The following HDAC9 variants were observed in gnomAD, a reference collection of about 807,000 sequenced individuals.
HDAC9 encodes MEF-2 interacting transcription repressor (MITR) protein.
In HDAC9, 41 loss-of-function variants were observed where a neutral mutation model predicts 139.4. That is an observed-to-expected ratio of 0.29 (90% CI 0.23 to 0.38). The LOEUF is 0.38. HDAC9 is among the 10% of genes least tolerant of loss of function. HDAC9 has a pLI of 1.00. For synonymous variants in HDAC9, 517 were observed against 476.2 expected (o/e 1.09, Z -1.12); for missense variants, 1,147 against 1,297.0 (o/e 0.88, Z 1.78).
chr7:18,361,630 T>G (rs1783785052), intron 1 of HDAC9, among the ~76,000 whole-genome samples: 1 of 152,304 alleles, frequency 6.6e-6, no homozygotes, highest in Admixed American at 6.5e-5. Context: ...TTTAACTGAC[T>G]CAATAGGCAT....
At chr7:18,613,528 A>G (rs1049112963) in intron 6 of HDAC9, among the ~76,000 whole-genome samples, 3 of 152,250 alleles carry the variant, frequency 2.0e-5, no homozygotes, top group East Asian at 1.9e-4. Flanking sequence ...CTCAAAATCT[A>G]TCCCTCTCCT....
chr7:18,409,413 C>T (rs1788333686), intron 1 of HDAC9, among the ~76,000 whole-genome samples: 1 of 151,020 alleles, frequency 6.6e-6, no homozygotes, highest in South Asian at 2.1e-4. Flanking sequence ...TAACGATGGG[C>T]CTTTTTTTCA....
chr7:18,184,068 T>C (rs1030014761), intron 2 of HDAC9, among the ~76,000 whole-genome samples: 61 of 152,208 alleles, frequency 4.0e-4, no homozygotes, highest in African/African-American at 1.4e-3. Context: ...TTTTTAGATT[T>C]TGTATTTGTT....
intron 1 of HDAC9, among the ~76,000 whole-genome samples, chr7:18,137,619 G>T (rs1179960097): frequency 6.7e-6 from 1 of 150,148 alleles, no homozygotes; most frequent in Non-Finnish European, 1.5e-5. Flanking sequence ...ATTGATTTGC[G>T]TATATTGAAC....
chr7:18,947,959 C>T (rs1006673340), intron 23 of HDAC9, among the ~76,000 whole-genome samples: 5 of 151,872 alleles, frequency 3.3e-5, no homozygotes, highest in African/African-American at 1.2e-4. Flanking sequence ...TATAATTCAT[C>T]ACATTAAGAC....
intron 24 of HDAC9, among the ~76,000 whole-genome samples, chr7:18,968,805 A>C (rs1478171790): frequency 6.6e-6 from 1 of 151,798 alleles, no homozygotes; most frequent in Non-Finnish European, 1.5e-5. Flanking sequence ...TAAACATACA[A>C]AAAATTAGCT....
At chr7:18,747,849 C>T (rs1049611773) in intron 13 of HDAC9, among the ~76,000 whole-genome samples, 2 of 152,178 alleles carry the variant, frequency 1.3e-5, no homozygotes, top group Non-Finnish European at 2.9e-5. Context: ...AAAATATTTT[C>T]TTCTCTTGAG....
intron 2 of HDAC9, among the ~76,000 whole-genome samples, chr7:18,537,133 A>G (rs891229674): frequency 6.6e-6 from 1 of 152,214 alleles, no homozygotes; most frequent in African/African-American, 2.4e-5. Flanking sequence ...TGTATCCTGA[A>G]TAAAAAATTG....
intron 2 of HDAC9, among the ~76,000 whole-genome samples, chr7:18,255,626 CTTTTTTTTTT>C (rs11386457): frequency 1.7e-4 from 19 of 113,608 alleles, no homozygotes; most frequent in Admixed American, 1.1e-4. Context: ...TTTTTCTTTC[CTTTTTTTTTT>C]TTTTTTTTTG....
chr7:18,272,741 T>C (rs528869595), intron 2 of HDAC9, among the ~76,000 whole-genome samples: 1 of 152,278 alleles, frequency 6.6e-6, no homozygotes, highest in Admixed American at 6.5e-5. Context: ...TCTTTTCAAA[T>C]TGAGGTATGG....
chr7:18,218,370 G>T (rs578048489), intron 2 of HDAC9, among the ~76,000 whole-genome samples: 1 of 152,188 alleles, frequency 6.6e-6, no homozygotes, highest in East Asian at 1.9e-4. Flanking sequence ...CTTGAACCTG[G>T]GAGATGGAGA....
upstream of HDAC9, chr7:18,086,838 C>T (rs1239970605): frequency 6.7e-6 from 1 of 149,894 alleles, no homozygotes; most frequent in Admixed American, 6.6e-5. Context: ...AAATTCTCCG[C>T]GCGCCGCCGC....
At position 19,000,394 on chromosome 7, in the gene HDAC9, A is replaced by G. The variant is rs950735636; in HGVS notation, c.*4332A>G. On this transcript the variant is annotated 3_prime_UTR_variant, in exon 26 of 26. Coordinates refer to ENST00000686413, the MANE Select transcript of HDAC9 (RefSeq NM_178425.4). ...TCCTTGCTTGCTTTTACTCCATGAA[A>G]CGCTTCATGAAGCAGAGCATGATTG... 2 of 152,132 alleles carry G rather than the reference A, an allele frequency of 1.3e-5. No individual in the cohort carries two copies. Among genetic ancestry groups the G allele is most frequent in the African/African-American group, 4.8e-5 (2 of 41,420 alleles). The allele number at this position is 152,132 out of a possible 1,614,324, so 9.4% of individuals were successfully genotyped here.
At chr7:18,861,075 C>T (rs999594668) in intron 21 of HDAC9, among the ~76,000 whole-genome samples, 6 of 152,108 alleles carry the variant, frequency 3.9e-5, no homozygotes, top group African/African-American at 1.4e-4. Flanking sequence ...TTACTGGACT[C>T]ACATTTGAAA....
intron 21 of HDAC9, among the ~76,000 whole-genome samples, chr7:18,849,113 A>G (rs910988820): frequency 2.0e-5 from 3 of 152,234 alleles, no homozygotes; most frequent in African/African-American, 7.2e-5. Context: ...CTAATTCAGT[A>G]AACATGATAA....
intron 22 of HDAC9, among the ~76,000 whole-genome samples, chr7:18,931,449 G>A (rs76765134): frequency 6.6e-6 from 1 of 152,200 alleles, no homozygotes; most frequent in East Asian, 1.9e-4. Flanking sequence ...CTTTTTAAAT[G>A]TATTTTTGTC....
At chr7:18,499,475 G>A (rs1465693690) in intron 2 of HDAC9, among the ~76,000 whole-genome samples, 1 of 152,212 alleles carries the variant, frequency 6.6e-6, no homozygotes, top group East Asian at 1.9e-4. Flanking sequence ...CAGTGTGAGT[G>A]ACACATTTTG....
At chr7:18,850,081 T>TA (rs11327408) in intron 21 of HDAC9, among the ~76,000 whole-genome samples, 14,749 of 82,136 alleles carry the variant, frequency 0.18, 925 homozygotes, top group Non-Finnish European at 0.2. Context: ...AAAGCCTGAG[T>TA]AAAAAAAAAA....
intron 24 of HDAC9, among the ~76,000 whole-genome samples, chr7:18,963,322 G>T (rs7789723): frequency 0.42 from 63,771 of 151,992 alleles, 13,458 homozygotes; most frequent in South Asian, 0.49. Context: ...TTTGATCTTT[G>T]TCCACTCCTG....
Sources: gnomAD v4.1 joint callset for allele counts (sites outside exome capture counted in the v4.1 genomes callset) on GRCh38, gnomAD v4.1.1 for gene constraint, MANE v1.5 for transcripts, NCBI Gene and HGNC (gene_info 2026-07-23, HGNC 2026-07-21) for gene names.